Variants in UBE3D observed in about 807,000 individuals in gnomAD.
UBE3D encodes the protein ubiquitin protein ligase E3D.
A neutral mutation model predicts 49.6 loss-of-function variants in UBE3D; 48 were observed. The ratio of observed to expected loss-of-function variants is 0.97; its 90% CI spans 0.77 to 1.23. The LOEUF is 1.23. Ranked by LOEUF, UBE3D falls within the 50% of genes most tolerant of loss-of-function variation. UBE3D has a pLI of 0.00. For synonymous variants in UBE3D, 189 were observed against 174.2 expected (o/e 1.08, Z -0.67); for missense variants, 452 against 468.4 (o/e 0.96, Z 0.32).
chr6:82,930,952 C>A (rs917582012), intron 9 of UBE3D, among the ~76,000 whole-genome samples: 4 of 152,160 alleles, frequency 2.6e-5, no homozygotes, highest in Admixed American at 6.5e-5. Context: ...ACTTTCATGG[C>A]AGCCCCTCCC....
chr6:83,042,558 G>A (rs982330979), intron 4 of UBE3D, among the ~76,000 whole-genome samples: 15 of 152,324 alleles, frequency 9.8e-5, no homozygotes, highest in African/African-American at 3.1e-4. Context: ...GCCTAACAGT[G>A]TGGGAACTCT....
chr6:82,981,918 A>T (rs1328362065), intron 8 of UBE3D, among the ~76,000 whole-genome samples: 1 of 152,168 alleles, frequency 6.6e-6, no homozygotes, highest in Non-Finnish European at 1.5e-5. Flanking sequence ...TACCAACTGC[A>T]GCTGCAGGAA....
At chr6:82,994,595 A>T (rs990002967) in intron 8 of UBE3D, among the ~76,000 whole-genome samples, 1 of 152,206 alleles carries the variant, frequency 6.6e-6, no homozygotes, top group Non-Finnish European at 1.5e-5. Context: ...GGTTGAAGAG[A>T]TGCATGTAAA....
At chr6:82,961,405 C>A (rs1168322967) in intron 8 of UBE3D, among the ~76,000 whole-genome samples, 2 of 152,112 alleles carry the variant, frequency 1.3e-5, no homozygotes, top group Non-Finnish European at 2.9e-5. Flanking sequence ...TGTCTCTAAT[C>A]CTAAAGCAGC....
intron 5 of UBE3D, among the ~76,000 whole-genome samples, chr6:83,031,823 A>G (rs1781894401): frequency 6.6e-6 from 1 of 152,214 alleles, no homozygotes; most frequent in African/African-American, 2.4e-5. Flanking sequence ...CGCACTAGCC[A>G]TGGCTAAAAG....
At chr6:82,977,856 A>G (rs1424582002) in intron 8 of UBE3D, among the ~76,000 whole-genome samples, 1 of 152,128 alleles carries the variant, frequency 6.6e-6, no homozygotes, top group African/African-American at 2.4e-5. Flanking sequence ...AACAACAACA[A>G]AATCTTAGCT....
intron 2 of UBE3D, 134 bp downstream of exon 2, chr6:83,057,692 C>G (rs993909544): frequency 1.3e-6 from 1 of 792,742 alleles, no homozygotes; most frequent in Non-Finnish European, 2.0e-6. Flanking sequence ...CAGCCAATAA[C>G]TGGCAGAGCT....
the UBE3D span, among the ~76,000 whole-genome samples, chr6:82,886,930 T>C: frequency 4.9e-4 from 74 of 152,306 alleles, 1 homozygote; most frequent in Non-Finnish European, 1.3e-4. Flanking sequence ...TTTTTTAACA[T>C]TGGCACTAAA....
chr6:82,937,986 T>TGC (rs931237504), intron 9 of UBE3D, among the ~76,000 whole-genome samples: 2 of 149,774 alleles, frequency 1.3e-5, no homozygotes, highest in Admixed American at 6.7e-5. Context: ...CACGGGCGTG[T>TGC]GCGCGCGCAC....
At chr6:83,043,119 A>G (rs1782787111) in intron 4 of UBE3D, among the ~76,000 whole-genome samples, 1 of 152,232 alleles carries the variant, frequency 6.6e-6, no homozygotes, top group South Asian at 2.1e-4. Context: ...ATGAAGAGAA[A>G]TTCTTGTAAA....
At chr6:82,937,813 G>C (rs914167649) in intron 9 of UBE3D, among the ~76,000 whole-genome samples, 1 of 152,094 alleles carries the variant, frequency 6.6e-6, no homozygotes, top group Non-Finnish European at 1.5e-5. Flanking sequence ...ACAGCCCTTC[G>C]GACAGGGTTC....
chr6:83,038,708 C>T (rs1047770540), intron 4 of UBE3D, among the ~76,000 whole-genome samples: 1 of 152,176 alleles, frequency 6.6e-6, no homozygotes, highest in African/African-American at 2.4e-5. Flanking sequence ...CCAAAACCAG[C>T]CACTTCTTGA....
At chr6:82,928,561 T>G (rs1773920752) in intron 9 of UBE3D, among the ~76,000 whole-genome samples, 1 of 152,168 alleles carries the variant, frequency 6.6e-6, no homozygotes, top group African/African-American at 2.4e-5. Context: ...TTAGCCCCTC[T>G]GCACATTTAG....
chr6:83,048,079 CAAAAAAAAA>C (rs35344320), intron 3 of UBE3D, among the ~76,000 whole-genome samples: 24 of 48,086 alleles, frequency 5.0e-4, no homozygotes, highest in African/African-American at 1.7e-3. Flanking sequence ...GACTCCAGCT[CAAAAAAAAA>C]AAAAAAAAAA....
At chr6:82,963,531 C>T (rs1048542138) in intron 8 of UBE3D, among the ~76,000 whole-genome samples, 4 of 152,100 alleles carry the variant, frequency 2.6e-5, no homozygotes, top group Non-Finnish European at 4.4e-5. Context: ...GTCCCAAAGC[C>T]GAAGAACTTG....
At chr6:83,027,459 A>AAAAAAAAAAAAAAAG in intron 5 of UBE3D, among the ~76,000 whole-genome samples, 1 of 147,316 alleles carries the variant, frequency 6.8e-6, no homozygotes, top group African/African-American at 2.5e-5. Context: ...AAAAAAAAAA[A>AAAAAAAAAAAAAAAG]AAGAAACCAC....
chr6:82,901,915 C>T (rs540843204), intron 9 of UBE3D, among the ~76,000 whole-genome samples: 5 of 152,232 alleles, frequency 3.3e-5, no homozygotes, highest in African/African-American at 4.8e-5. Context: ...TTCAAATTGA[C>T]GTATCATAGA....
intron 4 of UBE3D, among the ~76,000 whole-genome samples, chr6:83,040,092 A>G (rs1782553243): frequency 6.6e-6 from 1 of 152,098 alleles, no homozygotes; most frequent in Non-Finnish European, 1.5e-5. Context: ...GATGTAAAAA[A>G]ATATATTCAA....
chr6:82,934,773 T>C (rs1031875827), intron 9 of UBE3D, among the ~76,000 whole-genome samples: 3 of 150,222 alleles, frequency 2.0e-5, no homozygotes, highest in African/African-American at 7.3e-5. Context: ...TTTTAAAATG[T>C]GATACCTTGG....
Sources: allele counts gnomAD v4.1 joint callset (sites outside exome capture counted in the v4.1 genomes callset), GRCh38; gene constraint gnomAD v4.1.1; transcripts MANE v1.5; gene names NCBI Gene and HGNC (gene_info 2026-07-23, HGNC 2026-07-21).